The following UHRF2 variants were observed in gnomAD, a reference collection of about 807,000 sequenced individuals.
UHRF2 encodes the protein E3 ubiquitin-protein ligase UHRF2.
Under a neutral mutation model 96.8 loss-of-function variants are expected in UHRF2, and 23 were observed. The ratio of observed to expected loss-of-function variants is 0.24; its 90% CI spans 0.17 to 0.34. UHRF2 has a LOEUF of 0.34. UHRF2 is among the 10% of genes least tolerant of loss of function. The probability of loss-of-function intolerance (pLI) is 1.00; values close to 1 mark genes in which losing one functional copy is unlikely to be tolerated. For missense variants in UHRF2, 685 were observed against 981.5 expected, an observed-to-expected ratio of 0.70 and a Z score of 4.04; for synonymous variants, 385 against 332.6, an observed-to-expected ratio of 1.16 and a Z score of -1.72.
chr9:6,421,207 G>C, intron 2 of UHRF2, 65 bp downstream of exon 2: 1 of 1,247,898 alleles, frequency 8.0e-7, no homozygotes, highest in Non-Finnish European at 1.1e-6. Flanking sequence ...TGTTCAGGAT[G>C]TTTTGAATAA....
At chr9:6,458,923 T>C (rs1457024317) in intron 3 of UHRF2, among the ~76,000 whole-genome samples, 1 of 152,138 alleles carries the variant, frequency 6.6e-6, no homozygotes, top group African/African-American at 2.4e-5. Context: ...TGCAGGGACA[T>C]AGATCAAGCT....
chr9:6,445,981 C>CTTTTTTTTTTTTTTT (rs57147850), intron 3 of UHRF2, among the ~76,000 whole-genome samples: 1 of 78,896 alleles, frequency 1.3e-5, no homozygotes, highest in African/African-American at 5.3e-5. Context: ...CCCCGCCACC[C>CTTTTTTTTTTTTTTT]TTTTTTTTTT....
At chr9:6,491,213 C>G (rs1027475431) in intron 9 of UHRF2, among the ~76,000 whole-genome samples, 2 of 152,184 alleles carry the variant, frequency 1.3e-5, no homozygotes, top group Non-Finnish European at 2.9e-5. Context: ...GGAGAAGACT[C>G]GGAAGCCAGA....
intron 2 of UHRF2, 83 bp downstream of exon 2, chr9:6,421,225 T>C: frequency 3.9e-6 from 4 of 1,034,292 alleles, no homozygotes; most frequent in Non-Finnish European, 4.2e-6. Flanking sequence ...TAAGTAAACA[T>C]TGATTGCCAT....
chr9:6,423,795 A>T (rs1300239196), intron 2 of UHRF2, among the ~76,000 whole-genome samples: 7 of 152,124 alleles, frequency 4.6e-5, no homozygotes, highest in Non-Finnish European at 1.0e-4. Context: ...AATACAAAAA[A>T]TTAGCTGGAT....
chr9:6,439,819 C>T (rs968068620), intron 3 of UHRF2, among the ~76,000 whole-genome samples: 1 of 152,110 alleles, frequency 6.6e-6, no homozygotes, highest in African/African-American at 2.4e-5. Flanking sequence ...ACCCTGGTTA[C>T]TGGAGAGAGA....
chr9:6,499,121 T>TAG (rs1825127636), intron 12 of UHRF2: 1 of 152,236 alleles, frequency 6.6e-6, no homozygotes, highest in Non-Finnish European at 1.5e-5. Context: ...TTGTTCTAGA[T>TAG]AGGTTATATT....
At chr9:6,485,244 G>C (rs1361764571) in intron 8 of UHRF2, among the ~76,000 whole-genome samples, 1 of 152,092 alleles carries the variant, frequency 6.6e-6, no homozygotes, top group Admixed American at 6.6e-5. Context: ...ATAAAATACT[G>C]TATATAAATT....
intron 3 of UHRF2, among the ~76,000 whole-genome samples, chr9:6,455,149 T>G (rs1226175338): frequency 6.6e-6 from 1 of 152,206 alleles, no homozygotes; most frequent in African/African-American, 2.4e-5. Flanking sequence ...TTTGTTTGTT[T>G]GTTTATACTT....
intron 3 of UHRF2, among the ~76,000 whole-genome samples, chr9:6,445,858 C>T (rs571119372): frequency 6.6e-6 from 1 of 152,048 alleles, no homozygotes; most frequent in Non-Finnish European, 1.5e-5. Flanking sequence ...GCCACTGGTC[C>T]TAGCTCTTTC....
At chr9:6,441,389 G>GAA (rs201426021) in intron 3 of UHRF2, among the ~76,000 whole-genome samples, 1 of 137,936 alleles carries the variant, frequency 7.2e-6, no homozygotes, top group Non-Finnish European at 1.6e-5. Flanking sequence ...CTCCCAAAAA[G>GAA]AAAAAAAAAA....
chr9:6,469,896 A>C (rs908503799), intron 4 of UHRF2, among the ~76,000 whole-genome samples: 1 of 152,072 alleles, frequency 6.6e-6, no homozygotes, highest in Non-Finnish European at 1.5e-5. Flanking sequence ...GATTAAAGAT[A>C]CAAGTTCAGG....
At chr9:6,490,529 G>A (rs1213641370) in intron 9 of UHRF2, among the ~76,000 whole-genome samples, 1 of 152,238 alleles carries the variant, frequency 6.6e-6, no homozygotes, top group Non-Finnish European at 1.5e-5. Context: ...TTGGGAGGCT[G>A]AGGCAGGAGA....
chr9:6,458,019 CAT>C (rs1161540570), intron 3 of UHRF2, among the ~76,000 whole-genome samples: 2 of 152,122 alleles, frequency 1.3e-5, no homozygotes, highest in African/African-American at 4.8e-5. Flanking sequence ...ATGTTGGCCT[CAT>C]AAAATGAGTT....
intron 2 of UHRF2, among the ~76,000 whole-genome samples, chr9:6,430,159 T>C (rs768035793): frequency 3.0e-4 from 46 of 152,292 alleles, no homozygotes; most frequent in Non-Finnish European, 5.9e-4. Context: ...TACAGGTGCA[T>C]GCCACCATGC....
chr9:6,477,891 A>G, intron 6 of UHRF2, 83 bp downstream of exon 6: 1 of 1,243,884 alleles, frequency 8.0e-7, no homozygotes, highest in Non-Finnish European at 1.1e-6. Context: ...GTAGATTTCT[A>G]AAGATACATA....
intron 4 of UHRF2, among the ~76,000 whole-genome samples, chr9:6,469,045 A>G (rs1394152501): frequency 2.0e-5 from 3 of 152,112 alleles, no homozygotes; most frequent in Non-Finnish European, 4.4e-5. Context: ...AATACCAATT[A>G]TGGGAATAGA....
chr9:6,482,825 T>C (rs1824004044), intron 8 of UHRF2, among the ~76,000 whole-genome samples: 1 of 152,162 alleles, frequency 6.6e-6, no homozygotes, highest in African/African-American at 2.4e-5. Flanking sequence ...CTCGATCTCC[T>C]AACCTCGTGA....
intron 9 of UHRF2, among the ~76,000 whole-genome samples, chr9:6,488,290 A>T (rs2130932660): frequency 9.8e-6 from 1 of 102,114 alleles, no homozygotes; most frequent in African/African-American, 5.4e-5. Context: ...AAAAAAAAAA[A>T]AAAAAAAAAA....
Sources: gnomAD v4.1 joint callset for allele counts (sites outside exome capture counted in the v4.1 genomes callset) on GRCh38, gnomAD v4.1.1 for gene constraint, MANE v1.5 for transcripts, NCBI Gene and HGNC (gene_info 2026-07-23, HGNC 2026-07-21) for gene names.